The following ANKRD34C variants were observed in gnomAD, a reference collection of about 807,000 sequenced individuals.
The protein encoded by ANKRD34C is ankyrin repeat domain-containing protein 34C.
For missense variants in ANKRD34C, 563 were observed against 653.0 expected, an observed-to-expected ratio of 0.86 and a Z score of 1.50; for synonymous variants, 260 against 253.6, an observed-to-expected ratio of 1.03 and a Z score of -0.24.
chr15:79,294,140 A>T lies in ANKRD34C; in HGVS notation c.856A>T (p.Ser286Cys), dbSNP rs1470111811. 2 of 1,551,434 alleles carry T rather than the reference A, an allele frequency of 1.3e-6. No homozygotes were observed. The highest frequency in any genetic ancestry group is 3.9e-5 in the Admixed American group (2 of 50,988). ...AGACAACGAGGTCATCAAGAGCATCAGTGATATATCCTTCCCTAAAAGGGG... is the reference window on the plus strand; with the variant it reads ...AGACAACGAGGTCATCAAGAGCATCTGTGATATATCCTTCCCTAAAAGGGG... ...STDNEVIKSI[S>C]DISFPKRGPL... is the part of the protein sequence containing the mutation. The change falls in exon 2 of 2, where the codon AGT (serine) becomes TGT (cysteine). Residue 286 changes from serine (S) to cysteine (C), a missense_variant. By Grantham distance (112) the Ser-to-Cys change is moderately radical (BLOSUM62 -1). Transcript: ENST00000421388.
Position 79,297,987 on chromosome 15 carries a change from T to A in ANKRD34C, c.*3095T>A, listed in dbSNP as rs2058676362. 1 of 166,828 alleles carries A rather than the reference T, an allele frequency of 6.0e-6. No homozygotes were observed. The highest frequency in any genetic ancestry group is 2.4e-5 in the African/African-American group (1 of 41,450). 10.3% of individuals were successfully genotyped at this position (166,828 alleles called of 1,614,324 possible). The stretch of plus-strand genomic sequence containing the variant: ...CTTTCCAAAGCTTTTTTTTTTCTTT[T>A]TAAAAAGCCCATTGTCAACTCTCTT... On this transcript the variant is annotated 3_prime_UTR_variant, in exon 2 of 2. Transcript: ENST00000421388.
At position 79,294,720 on chromosome 15, in the gene ANKRD34C, C is replaced by G. The variant is rs2058668404; in HGVS notation, c.1436C>G (p.Ser479Cys). The change falls in exon 2 of 2, where the codon TCT becomes TGT. Residue 479 changes from serine (S) to cysteine (C), a missense_variant. Ser to Cys is a moderately radical substitution (Grantham distance 112). Coordinates refer to ENST00000421388, the MANE Select transcript of ANKRD34C (RefSeq NM_001146341.2). The stretch of plus-strand genomic sequence containing the variant: ...AACCCGCCTATTCCAGATATTAGAT[C>G]TAGCAGCAAACCTTCTTGCTCTCTT... ...NLNPPIPDIRSSSKPSCSLAS... is the reference protein window; with the variant it reads ...NLNPPIPDIRCSSKPSCSLAS... The G allele has an allele frequency of 7.1e-6, 11 of 1,551,736 alleles. No individual in the cohort carries two copies. The highest frequency in any genetic ancestry group is 9.6e-6 in the Non-Finnish European group (11 of 1,146,998).
At chr15:79,285,666 A>T (rs1176935991) in intron 1 of ANKRD34C, among the ~76,000 whole-genome samples, 1 of 152,222 alleles carries the variant, frequency 6.6e-6, no homozygotes, top group Non-Finnish European at 1.5e-5. Context: ...TGAATGTGTG[A>T]ATCGGGCCAA....
At chr15:79,290,188 C>CTTTTTTTTT (rs11382951) in intron 1 of ANKRD34C, among the ~76,000 whole-genome samples, 1 of 108,808 alleles carries the variant, frequency 9.2e-6, no homozygotes. Context: ...TGACACCCAG[C>CTTTTTTTTT]TTTTTTTTTT....
intron 1 of ANKRD34C, among the ~76,000 whole-genome samples, chr15:79,286,207 T>G (rs2058644290): frequency 3.1e-5 from 3 of 96,406 alleles, no homozygotes; most frequent in South Asian, 3.3e-4. Context: ...ACCAGAGAGG[T>G]GAAAGTGATG....
chr15:79,293,642 G>A lies in ANKRD34C; in HGVS notation c.358G>A (p.Ala120Thr), dbSNP rs1206237801. Residue 120 changes from alanine (A) to threonine (T), a missense_variant, in exon 2 of 2, where the codon GCT becomes ACT. By Grantham distance (58) the Ala-to-Thr change is moderately conservative. Coordinates refer to ENST00000421388, the MANE Select transcript of ANKRD34C (RefSeq NM_001146341.2). ...ADPSLEDRTGASALVYAINAD... is the reference protein window; with the variant it reads ...ADPSLEDRTGTSALVYAINAD... ...CCCCAGCCTTGAAGATCGCACTGGG[G>A]CTTCAGCTCTGGTTTATGCAATAAA... 1 of 1,551,658 alleles carries A rather than the reference G, an allele frequency of 6.4e-7. No homozygotes were observed. Among genetic ancestry groups the A allele is most frequent in the Admixed American group, 2.0e-5 (1 of 51,010 alleles).
In ANKRD34C at chr15:79,295,237, T is replaced by C. The variant is rs185415153; in HGVS notation, c.*345T>C. On this transcript the variant is annotated 3_prime_UTR_variant, in exon 2 of 2. Transcript: ENST00000421388. Reference sequence around the variant, plus strand: ...AAATCAGGAGGTAGTATTTGGAGTATGTCATTTGTAATAAATCTATAAAGT... The same window carrying C: ...AAATCAGGAGGTAGTATTTGGAGTACGTCATTTGTAATAAATCTATAAAGT... 5.9e-4 allele frequency: 130 copies of C among 219,544 alleles called. No individual in the cohort carries two copies. The highest frequency in any genetic ancestry group is 5.4e-3 in the South Asian group (45 of 8,402). The allele number at this position is 219,544 out of a possible 1,614,324, so 13.6% of individuals were successfully genotyped here.
rs971080019 is a variant in ANKRD34C at position 79,294,074 on chromosome 15, G to A, written c.790G>A (p.Ala264Thr). The stretch of plus-strand genomic sequence containing the variant: ...GGGCCTGATAGCGCCCTCGGTGCTG[G>A]CAGCCTCGACGCGTCAGGATGAGAC... ...PWGLIAPSVL[A>T]ASTRQDETHG... Residue 264 changes from alanine to threonine, a missense_variant, in exon 2 of 2, where the codon GCA becomes ACA. Coordinates refer to ENST00000421388, the MANE Select transcript of ANKRD34C (RefSeq NM_001146341.2). 3.0e-5 allele frequency: 46 copies of A among 1,551,438 alleles called. 1 individual carries two copies. The highest frequency in any genetic ancestry group is 3.9e-5 in the Non-Finnish European group (45 of 1,147,006).
At position 79,297,201 on chromosome 15, in the gene ANKRD34C, C is replaced by A. The variant is rs2058674325; in HGVS notation, c.*2309C>A. On this transcript the variant is annotated 3_prime_UTR_variant, in exon 2 of 2. Transcript: ENST00000421388. Reference sequence around the variant, plus strand: ...CAGGCAAAGAAACAACTTTCCAATGCATTCAAGAGAGAATCATACGGACAA... The same window carrying A: ...CAGGCAAAGAAACAACTTTCCAATGAATTCAAGAGAGAATCATACGGACAA... The A allele has an allele frequency of 3.0e-5, 5 of 166,948 alleles. No individual in the cohort carries two copies. Among genetic ancestry groups the A allele is most frequent in the Non-Finnish European group, 5.9e-5 (4 of 68,128 alleles). The allele number at this position is 166,948 out of a possible 1,614,324, so 10.3% of individuals were successfully genotyped here.
rs529256936 is a variant in ANKRD34C, at chr15:79,294,061, G to A, written c.777G>A (p.Ala259=). 34 of 1,551,566 alleles carry A rather than the reference G, an allele frequency of 2.2e-5. No homozygotes were observed. In the East Asian group the frequency reaches 2.4e-4, roughly 11 times the overall value. Residue 259 remains alanine, a synonymous_variant, in exon 2 of 2, where the codon GCG becomes GCA. Transcript: ENST00000421388. ...AGTCTGAACCTTGGGGCCTGATAGC[G>A]CCCTCGGTGCTGGCAGCCTCGACGC... ...RLQSEPWGLI[A]PSVLAASTRQ...
At chr15:79,293,165 C>T in intron 1 of ANKRD34C, 76 bp from the exon 2 acceptor site, 1 of 1,136,538 alleles carries the variant, frequency 8.8e-7, no homozygotes, top group Non-Finnish European at 1.2e-6. Context: ...TGACTGTACC[C>T]AGACCCCGTA....
At chr15:79,290,712 G>A (rs897692006) in intron 1 of ANKRD34C, among the ~76,000 whole-genome samples, 14 of 152,196 alleles carry the variant, frequency 9.2e-5, no homozygotes, top group Admixed American at 2.6e-4. Context: ...TTTTATGGCT[G>A]AAAGCGAGAC....
chr15:79,285,583 T>A (rs2058641385), intron 1 of ANKRD34C, among the ~76,000 whole-genome samples: 1 of 152,160 alleles, frequency 6.6e-6, no homozygotes, highest in African/African-American at 2.4e-5. Flanking sequence ...AATCCTAGCA[T>A]CGCGATTTTA....
chr15:79,288,659 A>G (rs1323462584), intron 1 of ANKRD34C, among the ~76,000 whole-genome samples: 1 of 152,170 alleles, frequency 6.6e-6, no homozygotes, highest in Admixed American at 6.5e-5. Context: ...CACTCAGGCA[A>G]GAAAGCAAGG....
intron 1 of ANKRD34C, among the ~76,000 whole-genome samples, chr15:79,286,189 G>C (rs776355790): frequency 1.8e-4 from 22 of 123,402 alleles, no homozygotes; most frequent in Non-Finnish European, 3.0e-4. Flanking sequence ...GAGTCCAACA[G>C]AAAACAGACC....
chr15:79,283,859 G>C (rs2058636211), intron 1 of ANKRD34C: 1 of 152,232 alleles, frequency 6.6e-6, no homozygotes, highest in Admixed American at 6.5e-5. Flanking sequence ...TCAGTTCAGG[G>C]CAGCTACGTA....
chr15:79,293,315 G>C lies in ANKRD34C; in HGVS notation c.31G>C (p.Asp11His). The C allele has an allele frequency of 3.9e-6, 6 of 1,540,624 alleles. No homozygotes were observed. Among genetic ancestry groups the C allele is most frequent in the Non-Finnish European group, 5.3e-6 (6 of 1,141,924 alleles). Residue 11 changes from aspartate to histidine, a missense_variant, in exon 2 of 2, where the codon GAT (aspartate) becomes CAT (histidine). Transcript: ENST00000421388. MMDDDTELRTDGNSLLKAVWL... is the reference protein window; with the variant it reads MMDDDTELRTHGNSLLKAVWL... Reference sequence around the variant, plus strand: ...GGATGATGACACTGAATTAAGGACTGATGGAAACTCTTTGTTAAAGGCTGT... The same window carrying C: ...GGATGATGACACTGAATTAAGGACTCATGGAAACTCTTTGTTAAAGGCTGT...
intron 1 of ANKRD34C, among the ~76,000 whole-genome samples, chr15:79,292,426 A>T (rs563320994): frequency 6.6e-6 from 1 of 152,322 alleles, no homozygotes; most frequent in Admixed American, 6.5e-5. Flanking sequence ...ATTTCCTAAC[A>T]TTTGTGAACA....
chr15:79,291,601 C>CACACAG (rs1429207880), intron 1 of ANKRD34C, among the ~76,000 whole-genome samples: 25 of 83,990 alleles, frequency 3.0e-4, no homozygotes, highest in South Asian at 8.7e-4. Flanking sequence ...CACACACACA[C>CACACAG]AGAGAGAGAG....
Sources: gnomAD v4.1 joint callset for allele counts (sites outside exome capture counted in the v4.1 genomes callset) on GRCh38, gnomAD v4.1.1 for gene constraint, MANE v1.5 for transcripts, NCBI Gene and HGNC (gene_info 2026-07-23, HGNC 2026-07-21) for gene names.